Variants in ERGIC3 observed in about 807,000 individuals in gnomAD.
ERGIC3 encodes the protein endoplasmic reticulum-Golgi intermediate compartment protein 3.
Under a neutral mutation model 54.7 loss-of-function variants are expected in ERGIC3, and 33 were observed. The ratio of observed to expected loss-of-function variants is 0.60; its 90% confidence interval spans 0.46 to 0.81. The LOEUF is 0.81. ERGIC3 is among the 30% of genes least tolerant of loss of function. ERGIC3 has a pLI of 0.00. For synonymous variants in ERGIC3, 186 were observed against 189.8 expected (o/e 0.98, Z 0.16); for missense variants, 399 against 488.4 (o/e 0.82, Z 1.73).
Position 35,542,542 on chromosome 20 carries a change from G to A in ERGIC3, c.189G>A (p.Ser63=), listed in dbSNP as rs202156592. The A allele has an allele frequency of 9.5e-5, 154 of 1,613,956 alleles. No individual in the cohort carries two copies. Among genetic ancestry groups the A allele is most frequent in the Non-Finnish European group, 1.2e-4 (146 of 1,179,996 alleles). The stretch of plus-strand genomic sequence containing the variant: ...ATCCTGAGCTCTACGTGGACAAGTC[G>A]CGGGGAGATAAACTGAAGATCAACA... ...EVHPELYVDK[S]RGDKLKINID... Residue 63 remains serine (S), a synonymous_variant, in exon 3 of 13, where the codon TCG becomes TCA. Coordinates refer to ENST00000348547, the MANE Select transcript of ERGIC3 (RefSeq NM_015966.3).
At chr20:35,557,286 G>A (rs1466541382) in intron 12 of ERGIC3, 37 bp downstream of exon 12, 1 of 1,613,878 alleles carries the variant, frequency 6.2e-7, no homozygotes, top group African/African-American at 1.3e-5. Flanking sequence ...TGTGGGGTGG[G>A]GAGGGTAAAG....
chr20:35,557,294 A>G, intron 12 of ERGIC3, 45 bp downstream of exon 12: 1 of 1,613,584 alleles, frequency 6.2e-7, no homozygotes, highest in East Asian at 2.2e-5. Context: ...GGGGAGGGTA[A>G]AGCCTGGGTG....
At chr20:35,557,387 C>A in intron 12 of ERGIC3, 38 bp from the exon 13 acceptor site, 2 of 1,610,506 alleles carry the variant, frequency 1.2e-6, no homozygotes. Context: ...AAGCCAAGGC[C>A]CCCACTGGGC....
chr20:35,548,552 A>G lies in ERGIC3; in HGVS notation c.505A>G (p.Arg169Gly). The part of the protein sequence containing the change: ...CEDVREAYRR[R>G]GWAFKNPDTI... Reference sequence around the variant, plus strand: ...AGATGTGCGGGAGGCATATCGCCGTAGAGGCTGGGCCTTCAAGAACCCAGA... The same window carrying G: ...AGATGTGCGGGAGGCATATCGCCGTGGAGGCTGGGCCTTCAAGAACCCAGA... The change falls in exon 6 of 13, where the codon AGA becomes GGA. Residue 169 changes from arginine to glycine, a missense_variant. Transcript: ENST00000348547. 1 of 1,614,232 alleles carries G rather than the reference A, an allele frequency of 6.2e-7. No individual in the cohort carries two copies. Among genetic ancestry groups the G allele is most frequent in the Non-Finnish European group, 8.5e-7 (1 of 1,180,048 alleles).
intron 8 of ERGIC3, 58 bp downstream of exon 8, chr20:35,555,133 C>T (rs768875611): frequency 1.3e-6 from 2 of 1,593,194 alleles, no homozygotes; most frequent in Non-Finnish European, 1.7e-6. Flanking sequence ...TGGTTGCTGC[C>T]TTCATTTCCT....
chr20:35,549,242 C>T (rs1281463027), intron 7 of ERGIC3: 3 of 472,724 alleles, frequency 6.3e-6, no homozygotes, highest in East Asian at 6.9e-5. Flanking sequence ...CCCCCGTGTC[C>T]GATGATGACC....
chr20:35,557,226 C>CCAT lies in ERGIC3; in HGVS notation c.1053_1055dup (p.Ile352dup). ...ACCCACTTCCTGACAGGTGTGTGCG[C>CCAT]CATCATTGGGGGCATGTTCACAGGT... On this transcript the variant is annotated inframe_insertion, in exon 12 of 13. Coordinates refer to ENST00000348547, the MANE Select transcript of ERGIC3 (RefSeq NM_015966.3). The CCAT allele has an allele frequency of 6.2e-7, 1 of 1,614,178 alleles. No homozygotes were observed. The highest frequency in any genetic ancestry group is 8.5e-7 in the Non-Finnish European group (1 of 1,180,028).
intron 4 of ERGIC3, among the ~76,000 whole-genome samples, chr20:35,546,432 G>A (rs916922998): frequency 6.6e-6 from 1 of 152,012 alleles, no homozygotes; most frequent in Non-Finnish European, 1.5e-5. Context: ...AATAGGAGGG[G>A]GTTTTGGGAG....
At position 35,542,172 on chromosome 20, in the gene ERGIC3, CG is replaced by C; in HGVS notation, c.80del (p.Gly27AlafsTer4). On this transcript the variant is annotated frameshift_variant, in exon 1 of 13. Coordinates refer to ENST00000348547, the MANE Select transcript of ERGIC3 (RefSeq NM_015966.3). LOFTEE classifies it high-confidence loss of function. Reference protein sequence around the residue: ...TLEDFRVKTCGGATVTIVSGL... With the variant: ...TLEDFRVKTCXGATVTIVSGL... ...TGGAGGACTTCCGGGTCAAGACCTG[CG>C]GGGGCGCCACCGGTAGGCCGCAGCG... 7 of 1,578,462 alleles carry C rather than the reference CG, an allele frequency of 4.4e-6. No individual in the cohort carries two copies. The highest frequency in any genetic ancestry group is 6.0e-6 in the Non-Finnish European group (7 of 1,161,446).
At chr20:35,557,355 G>C in intron 12 of ERGIC3, 70 bp from the exon 13 acceptor site, 1 of 1,608,346 alleles carries the variant, frequency 6.2e-7, no homozygotes. Context: ...GGCCAGTTAA[G>C]TGACAAGGCT....
chr20:35,542,252 C>T, intron 1 of ERGIC3, 67 bp downstream of exon 1: 2 of 1,611,578 alleles, frequency 1.2e-6, no homozygotes, highest in Middle Eastern at 1.7e-4. Flanking sequence ...GGCTCCTGGA[C>T]TCTGACTGGC....
At chr20:35,552,891 GGA>G (rs1452271902) in intron 7 of ERGIC3, among the ~76,000 whole-genome samples, 8 of 152,200 alleles carry the variant, frequency 5.3e-5, no homozygotes, top group African/African-American at 1.9e-4. Flanking sequence ...AGGTAGTACA[GGA>G]GAGAGTGACA....
At chr20:35,547,069 T>C (rs1395046693) in intron 4 of ERGIC3, among the ~76,000 whole-genome samples, 1 of 152,172 alleles carries the variant, frequency 6.6e-6, no homozygotes, top group Non-Finnish European at 1.5e-5. Context: ...GCAAAGTCAC[T>C]TCTCATCAGT....
chr20:35,551,776 C>T (rs768749360), intron 7 of ERGIC3, among the ~76,000 whole-genome samples: 4 of 152,180 alleles, frequency 2.6e-5, no homozygotes, highest in Non-Finnish European at 4.4e-5. Context: ...ATGGCATGTA[C>T]ATGCAACAGT....
intron 7 of ERGIC3, chr20:35,549,705 T>G (rs1390198353): frequency 6.4e-6 from 1 of 157,134 alleles, no homozygotes; most frequent in East Asian, 1.9e-4. Context: ...GGCATGATCT[T>G]GACTCACTGC....
chr20:35,550,475 G>T (rs1347965312), intron 7 of ERGIC3, among the ~76,000 whole-genome samples: 1 of 152,134 alleles, frequency 6.6e-6, no homozygotes, highest in Non-Finnish European at 1.5e-5. Context: ...AATTAGCTGG[G>T]TGTGGTGGCA....
At position 35,556,193 on chromosome 20, in the gene ERGIC3, TG is replaced by T. The variant is rs757053006; in HGVS notation, c.815-13del. ...GGCCGGGCACCCATACCCAGTGCTT[TG>T]TTTTCCCCTCAGCCTCCATGATGTT... On this transcript the variant is annotated splice_polypyrimidine_tract_variant and intron_variant, in intron 9 of 12. Coordinates refer to ENST00000348547, the MANE Select transcript of ERGIC3 (RefSeq NM_015966.3). The T allele has an allele frequency of 1.9e-6, 3 of 1,614,134 alleles. No individual in the cohort carries two copies. In the Admixed American group the frequency reaches 5.0e-5, roughly 27 times the overall value.
intron 7 of ERGIC3, among the ~76,000 whole-genome samples, chr20:35,550,037 A>G (rs182894717): frequency 6.6e-6 from 1 of 152,180 alleles, no homozygotes; most frequent in Non-Finnish European, 1.5e-5. Flanking sequence ...GTTAAGTCAT[A>G]TGGACCAAAA....
Position 35,549,070 on chromosome 20 carries a change from C to T in ERGIC3, c.685+205C>T, listed in dbSNP as rs1280162317. On this transcript the variant is annotated intron_variant, in intron 7 of 12. Coordinates refer to ENST00000348547, the MANE Select transcript of ERGIC3 (RefSeq NM_015966.3). The stretch of plus-strand genomic sequence containing the variant: ...CCTGCATTCAGATACCAGTTTCAGA[C>T]CTTACTGGCTGTGTGACTTTGAGAA... 7 of 688,662 alleles carry T rather than the reference C, an allele frequency of 1.0e-5. No individual in the cohort carries two copies. In the East Asian group the frequency reaches 1.4e-4, roughly 14 times the overall value. 42.7% of individuals were successfully genotyped at this position (688,662 alleles called of 1,614,324 possible).
Sources: gnomAD v4.1 joint callset for allele counts (sites outside exome capture counted in the v4.1 genomes callset) on GRCh38, gnomAD v4.1.1 for gene constraint, MANE v1.5 for transcripts, NCBI Gene and HGNC (gene_info 2026-07-23, HGNC 2026-07-21) for gene names.